Variants in KCNT2 observed in about 807,000 individuals in gnomAD.
The protein encoded by KCNT2 is potassium channel subfamily T member 2.
In KCNT2, 67 loss-of-function variants were observed where a neutral mutation model predicts 153.8. The observed-to-expected ratio is 0.44, with a 90% CI of 0.36 to 0.53. The LOEUF is 0.53. Ranked by LOEUF, KCNT2 falls within the 20% of genes least tolerant of loss-of-function variation. KCNT2 has a pLI of 0.00. For synonymous variants in KCNT2, 500 were observed against 458.8 expected (o/e 1.09, Z -1.15); for missense variants, 975 against 1,354.8 (o/e 0.72, Z 4.40).
intron 1 of KCNT2, among the ~76,000 whole-genome samples, chr1:196,519,827 C>CCAATACA (rs1653109962): frequency 6.6e-6 from 1 of 151,878 alleles, no homozygotes; most frequent in Non-Finnish European, 1.5e-5. Flanking sequence ...CAAAAAAAGC[C>CCAATACA]CAAGACCAGA....
intron 18 of KCNT2, among the ~76,000 whole-genome samples, chr1:196,329,111 T>C (rs566251713): frequency 6.6e-6 from 1 of 152,220 alleles, no homozygotes; most frequent in Admixed American, 6.6e-5. Context: ...GAGAATTTAG[T>C]GTTCATGAAC....
At chr1:196,437,306 A>T in intron 8 of KCNT2, among the ~76,000 whole-genome samples, 1 of 132,962 alleles carries the variant, frequency 7.5e-6, no homozygotes, top group Non-Finnish European at 1.6e-5. Flanking sequence ...ATATAAATAT[A>T]TTTATATATT....
intron 12 of KCNT2, among the ~76,000 whole-genome samples, chr1:196,403,959 G>C (rs1206927802): frequency 1.3e-5 from 2 of 151,588 alleles, no homozygotes; most frequent in Non-Finnish European, 3.0e-5. Flanking sequence ...CAGTTGACTT[G>C]TAGACCACTG....
At chr1:196,596,183 A>C (rs1001931450) in intron 1 of KCNT2, among the ~76,000 whole-genome samples, 11 of 151,408 alleles carry the variant, frequency 7.3e-5, no homozygotes, top group Non-Finnish European at 1.5e-4. Flanking sequence ...TGCTGCTATA[A>C]ATATGCATGT....
chr1:196,501,208 C>A (rs1054728598), intron 1 of KCNT2, among the ~76,000 whole-genome samples: 2 of 152,092 alleles, frequency 1.3e-5, no homozygotes, highest in Non-Finnish European at 1.5e-5. Context: ...TGGGTATGTA[C>A]CCAAAGGGAA....
rs1680649678 is a variant in KCNT2, at chr1:196,500,945, G to A, written c.96-8604C>T. On this transcript the variant is annotated intron_variant, in intron 1 of 27. Coordinates refer to ENST00000294725, the MANE Select transcript of KCNT2 (RefSeq NM_198503.5). ...CAAATGTATGCAGCCACAAACATAT[G>A]CCACCATGCTCAACAATGCTAATCA... Among the ~76,000 whole-genome samples the A allele has an allele frequency of 2.0e-5, 3 of 151,994 alleles. No individual in the cohort carries two copies. The South Asian group carries it at 6.2e-4, about 32-fold the overall frequency.
At chr1:196,563,676 C>A (rs759059265) in intron 1 of KCNT2, among the ~76,000 whole-genome samples, 1 of 151,708 alleles carries the variant, frequency 6.6e-6, no homozygotes, top group African/African-American at 2.4e-5. Flanking sequence ...CATAACCAAG[C>A]GGTATTTATC....
intron 25 of KCNT2, among the ~76,000 whole-genome samples, chr1:196,266,677 C>A (rs924900016): frequency 6.6e-6 from 1 of 152,154 alleles, no homozygotes; most frequent in South Asian, 2.1e-4. Flanking sequence ...GGGTAATAGT[C>A]ACCACTGCTT....
chr1:196,591,019 C>A (rs963315605), intron 1 of KCNT2, among the ~76,000 whole-genome samples: 22 of 151,986 alleles, frequency 1.4e-4, no homozygotes, highest in African/African-American at 4.6e-4. Context: ...CCCAGCTACT[C>A]GAGAGGCTGA....
intron 8 of KCNT2, among the ~76,000 whole-genome samples, chr1:196,462,151 C>T (rs61820916): frequency 1.1e-4 from 17 of 151,534 alleles, no homozygotes; most frequent in Non-Finnish European, 2.2e-4. Context: ...AAATAGTTCA[C>T]TTTTATCTTT....
At chr1:196,326,925 G>A (rs1663917877) in intron 18 of KCNT2, 36 bp from the exon 19 acceptor site, 3 of 1,195,050 alleles carry the variant, frequency 2.5e-6, no homozygotes, top group African/African-American at 1.6e-5. Context: ...AATGCCATTT[G>A]GATACTTCAT....
chr1:196,580,861 T>C (rs1177021009), intron 1 of KCNT2, among the ~76,000 whole-genome samples: 2 of 152,182 alleles, frequency 1.3e-5, no homozygotes, highest in Admixed American at 6.6e-5. Context: ...TTCTGAAAAG[T>C]ACATCATGGA....
intron 21 of KCNT2, among the ~76,000 whole-genome samples, chr1:196,308,356 G>A (rs931463491): frequency 6.6e-6 from 1 of 151,980 alleles, no homozygotes; most frequent in African/African-American, 2.4e-5. Context: ...TCTTTTCAGT[G>A]TCTTTAGATG....
chr1:196,507,030 T>C (rs1263971678), intron 1 of KCNT2, among the ~76,000 whole-genome samples: 2 of 152,050 alleles, frequency 1.3e-5, no homozygotes, highest in African/African-American at 2.4e-5. Context: ...AAAAAAGAGA[T>C]GAGTAAATAA....
intron 18 of KCNT2, among the ~76,000 whole-genome samples, chr1:196,329,614 A>C (rs1191778858): frequency 6.6e-6 from 1 of 151,674 alleles, no homozygotes; most frequent in African/African-American, 2.4e-5. Context: ...TTATCCATAA[A>C]GAAAATAACA....
intron 15 of KCNT2, 90 bp from the exon 16 acceptor site, chr1:196,340,660 A>G: frequency 1.3e-6 from 1 of 743,322 alleles, no homozygotes; most frequent in Admixed American, 3.1e-5. Context: ...TAGCATTTTA[A>G]AGCTTGAAAT....
chr1:196,545,547 A>C (rs899938611), intron 1 of KCNT2, among the ~76,000 whole-genome samples: 1 of 151,950 alleles, frequency 6.6e-6, no homozygotes, highest in Non-Finnish European at 1.5e-5. Flanking sequence ...CCTTTAATAG[A>C]TTTTTTGCCG....
intron 1 of KCNT2, among the ~76,000 whole-genome samples, chr1:196,567,163 C>T (rs1208032561): frequency 6.6e-6 from 1 of 152,024 alleles, no homozygotes; most frequent in African/African-American, 2.4e-5. Context: ...GAACAGTTCA[C>T]TCTATATTTC....
intron 22 of KCNT2, among the ~76,000 whole-genome samples, chr1:196,286,078 C>T (rs1478351918): frequency 6.6e-6 from 1 of 151,766 alleles, no homozygotes; most frequent in Middle Eastern, 3.2e-3. Flanking sequence ...AAAAAACTAA[C>T]GTCACACGAT....
Sources: allele counts gnomAD v4.1 joint callset (sites outside exome capture counted in the v4.1 genomes callset), GRCh38; gene constraint gnomAD v4.1.1; transcripts MANE v1.5; gene names NCBI Gene and HGNC (gene_info 2026-07-23, HGNC 2026-07-21).